CCNJL: variants seen among roughly 807,000 people sequenced by gnomAD.
The protein encoded by CCNJL is cyclin-J-like protein.
A neutral mutation model predicts 33.4 loss-of-function variants in CCNJL; 33 were observed. The ratio of observed to expected loss-of-function variants is 0.99; its 90% confidence interval spans 0.75 to 1.32. CCNJL has a LOEUF of 1.32. CCNJL is among the 40% of genes most tolerant of loss of function. The pLI, the probability that CCNJL is intolerant of heterozygous loss-of-function variation, is 0.00. For synonymous variants in CCNJL, 227 were observed against 220.9 expected (o/e 1.03, Z -0.24); for missense variants, 512 against 499.7 (o/e 1.02, Z -0.23).
chr5:160,270,429 G>A (rs1179618178), intron 3 of CCNJL, among the ~76,000 whole-genome samples: 1 of 151,568 alleles, frequency 6.6e-6, no homozygotes, highest in Non-Finnish European at 1.5e-5. Flanking sequence ...GGGTGACAGA[G>A]CAAAATGGTG....
chr5:160,333,689 C>T (rs534752431), intron 1 of CCNJL, among the ~76,000 whole-genome samples: 22 of 152,128 alleles, frequency 1.4e-4, no homozygotes, highest in African/African-American at 5.3e-4. Context: ...TCCCTCTCCC[C>T]TTGTACCAAG....
chr5:160,258,156 T>C, intron 4 of CCNJL: 1 of 415,530 alleles, frequency 2.4e-6, no homozygotes, highest in Non-Finnish European at 4.4e-6. Flanking sequence ...CAATCATTGA[T>C]CTGGATACTC....
At chr5:160,283,016 TATATATATATAC>T (rs1317944313) in intron 2 of CCNJL, among the ~76,000 whole-genome samples, 54 of 86,484 alleles carry the variant, frequency 6.2e-4, no homozygotes, top group African/African-American at 2.4e-3. Flanking sequence ...TATACATATA[TATATATATATAC>T]CTAAGAGAAA....
chr5:160,315,281 G>A (rs1363791058), upstream of CCNJL: 3 of 220,358 alleles, frequency 1.4e-5, no homozygotes, highest in African/African-American at 6.8e-5. Flanking sequence ...TTCAAGACCA[G>A]CTTGGGCAAC....
chr5:160,277,748 T>G (rs1319893894), intron 3 of CCNJL, among the ~76,000 whole-genome samples: 1 of 150,326 alleles, frequency 6.7e-6, no homozygotes, highest in African/African-American at 2.5e-5. Flanking sequence ...CTATCTGTTT[T>G]TTTTTTTTTT....
intron 2 of CCNJL, among the ~76,000 whole-genome samples, chr5:160,289,327 G>A (rs1195642958): frequency 2.6e-5 from 4 of 152,206 alleles, no homozygotes; most frequent in Admixed American, 2.6e-4. Context: ...GTACTAATGA[G>A]TAGCTGCTGG....
intron 1 of CCNJL, chr5:160,326,966 C>A: frequency 3.4e-6 from 2 of 593,888 alleles, no homozygotes; most frequent in South Asian, 1.4e-5. Flanking sequence ...CGAAGTTTCT[C>A]CAACTAGAAA....
intron 1 of CCNJL, among the ~76,000 whole-genome samples, chr5:160,333,897 T>C (rs1763643377): frequency 6.6e-6 from 1 of 152,184 alleles, no homozygotes; most frequent in African/African-American, 2.4e-5. Context: ...AATTCCAACA[T>C]TGCTTCATCA....
chr5:160,279,157 A>G (rs1490731827), intron 3 of CCNJL, among the ~76,000 whole-genome samples: 1 of 152,232 alleles, frequency 6.6e-6, no homozygotes, highest in Non-Finnish European at 1.5e-5. Context: ...GCCTGCCAAA[A>G]GCAGACAAAG....
chr5:160,277,311 C>T (rs887339006), intron 3 of CCNJL, among the ~76,000 whole-genome samples: 1 of 152,144 alleles, frequency 6.6e-6, no homozygotes, highest in African/African-American at 2.4e-5. Flanking sequence ...AGGAAGGAAG[C>T]CACAGCCGCT....
rs369126629 is a variant in CCNJL at position 160,256,109 on chromosome 5, GA to G, written c.584-402del. On this transcript the variant is annotated intron_variant, in intron 4 of 5. Transcript: ENST00000257536. ...TCAGCATGTAATTCAGGCTGGTATC[GA>G]ACTCCTGAGCTCAAGCAATCCTCCT... 5.3e-4 allele frequency among the ~76,000 whole-genome samples: 80 copies of G among 152,136 alleles called. 1 individual carries two copies. In the East Asian group the frequency reaches 0.015, roughly 28 times the overall value.
chr5:160,259,440 A>T, intron 4 of CCNJL, 29 bp downstream of exon 4: 1 of 1,584,096 alleles, frequency 6.3e-7, no homozygotes, highest in Non-Finnish European at 8.6e-7. Context: ...AAGGGGTGGG[A>T]GGTCCTGCCA....
chr5:160,306,976 T>G (rs962646025), intron 2 of CCNJL, among the ~76,000 whole-genome samples: 2 of 152,334 alleles, frequency 1.3e-5, no homozygotes, highest in African/African-American at 4.8e-5. Flanking sequence ...TGTAGGAAGC[T>G]GGGGTGGCAT....
At position 160,259,517 on chromosome 5, in the gene CCNJL, CTT is replaced by C; in HGVS notation, c.533_534del (p.Lys178ArgfsTer66). 1 of 1,614,118 alleles carries C rather than the reference CTT, an allele frequency of 6.2e-7. No individual in the cohort carries two copies. The highest frequency in any genetic ancestry group is 8.5e-7 in the Non-Finnish European group (1 of 1,180,006). The stretch of plus-strand genomic sequence containing the variant: ...TAATGGGCATACTCCTTGAGGCACT[CTT>C]TGGTCTTGCGGGGGCAGGTGGTGGG... ...TWPTTCPRKT[K>X]ECLKEYAHYF... On this transcript the variant is annotated frameshift_variant, in exon 4 of 6. Transcript: ENST00000257536. LOFTEE classifies it high-confidence loss of function.
At chr5:160,299,535 C>G (rs1762858516) in intron 2 of CCNJL, among the ~76,000 whole-genome samples, 1 of 150,444 alleles carries the variant, frequency 6.6e-6, no homozygotes, top group Non-Finnish European at 1.5e-5. Context: ...TCTGAGACAA[C>G]AGAGGAATGG....
chr5:160,284,621 G>A (rs6556487), intron 2 of CCNJL, among the ~76,000 whole-genome samples: 4,703 of 152,326 alleles, frequency 0.031, 259 homozygotes, highest in African/African-American at 0.11. Context: ...AGTGAGGCTT[G>A]AGTTGAGATT....
intron 1 of CCNJL, among the ~76,000 whole-genome samples, chr5:160,330,176 A>G (rs923530273): frequency 6.6e-6 from 1 of 152,162 alleles, no homozygotes; most frequent in African/African-American, 2.4e-5. Context: ...CCCTGGTCCA[A>G]ATCTCTCAGG....
chr5:160,260,138 CA>C lies in CCNJL; in HGVS notation c.281-368del, dbSNP rs1400627547. 5.3e-5 allele frequency among the ~76,000 whole-genome samples: 8 copies of C among 152,236 alleles called. No homozygotes were observed. The East Asian group carries it at 1.5e-3, about 29-fold the overall frequency. On this transcript the variant is annotated intron_variant, in intron 3 of 5. Transcript: ENST00000257536. ...GCCGATAGCGGTCAGCAGCAGCAGC[CA>C]GGGGCTGGGGAATAAGGTGCCCTCC...
At position 160,259,708 on chromosome 5, in the gene CCNJL, A is replaced by G; in HGVS notation, c.344T>C (p.Leu115Pro). ...KLEQINSTRI[L>P]SSQNFTLTKK... ...GGTGAGGGTGAAGTTCTGGCTGCTC[A>G]GGATCCTCGTGCTGTTTATTTGCTC... Residue 115 changes from leucine (L) to proline (P), a missense_variant, in exon 4 of 6, where the codon CTG becomes CCG. By Grantham distance (98) the Leu-to-Pro change is moderately conservative. Transcript: ENST00000257536. The G allele has an allele frequency of 1.2e-6, 2 of 1,614,144 alleles. No individual in the cohort carries two copies.
Sources: gnomAD v4.1 joint callset for allele counts (sites outside exome capture counted in the v4.1 genomes callset) on GRCh38, gnomAD v4.1.1 for gene constraint, MANE v1.5 for transcripts, NCBI Gene and HGNC (gene_info 2026-07-23, HGNC 2026-07-21) for gene names.